Variants in SMARCA2 observed in about 807,000 individuals in gnomAD.
SMARCA2 encodes SWI/SNF-related matrix-associated actin-dependent regulator of chromatin subfamily A member 2.
In SMARCA2, 61 loss-of-function variants were observed where a neutral mutation model predicts 199.8. That is an observed-to-expected ratio of 0.31 (90% CI 0.25 to 0.38). The LOEUF is 0.38. Ranked by LOEUF, SMARCA2 falls within the 10% of genes least tolerant of loss-of-function variation. The pLI is 1.00. For synonymous variants in SMARCA2, 935 were observed against 732.0 expected, an observed-to-expected ratio of 1.28 and a Z score of -4.48; for missense variants, 1,344 against 2,012.2, an observed-to-expected ratio of 0.67 and a Z score of 6.35.
rs112097618 is a variant in SMARCA2, at chr9:2,073,164, G to C, written c.1747-48G>C. The stretch of plus-strand genomic sequence containing the variant: ...TGAGAAACGTCCAGTACAGGACTGG[G>C]GGAAGGTCTTAACATGAAACCGTGA... On this transcript the variant is annotated intron_variant, in intron 10 of 33. Transcript: ENST00000349721. 1.2e-4 allele frequency: 199 copies of C among 1,610,314 alleles called. 1 individual carries two copies. In the African/African-American group the frequency reaches 2.4e-3, roughly 19 times the overall value.
In SMARCA2 at chr9:2,075,648, T is replaced by G. The variant is rs181286213; in HGVS notation, c.1936-581T>G. 2.2e-4 allele frequency among the ~76,000 whole-genome samples: 34 copies of G among 152,252 alleles called. No homozygotes were observed. In the South Asian group the frequency reaches 4.1e-3, roughly 19 times the overall value. On this transcript the variant is annotated intron_variant, in intron 12 of 33. Transcript: ENST00000349721. ...GGGCATTATCAGAGAGAGTAGATTT[T>G]TTTTGTTTTGTTTTGTGTTTTGTTT...
chr9:2,048,817 C>A (rs983094318), intron 5 of SMARCA2, among the ~76,000 whole-genome samples: 3 of 152,180 alleles, frequency 2.0e-5, no homozygotes, highest in African/African-American at 7.2e-5. Flanking sequence ...TAGGCAGATT[C>A]TGCTGGGTGA....
chr9:2,146,622 T>C (rs751819834), intron 27 of SMARCA2, among the ~76,000 whole-genome samples: 1 of 152,122 alleles, frequency 6.6e-6, no homozygotes, highest in Admixed American at 6.5e-5. Flanking sequence ...ATTAGGAAAG[T>C]AAAGGGATAA....
chr9:2,177,401 C>A (rs1826683588), intron 29 of SMARCA2, among the ~76,000 whole-genome samples: 1 of 152,098 alleles, frequency 6.6e-6, no homozygotes, highest in Non-Finnish European at 1.5e-5. Context: ...GTTAAGATTT[C>A]TTTCTCAGCA....
At chr9:2,098,066 G>C (rs1435307054) in intron 21 of SMARCA2, among the ~76,000 whole-genome samples, 2 of 152,222 alleles carry the variant, frequency 1.3e-5, no homozygotes. Flanking sequence ...CACTCCATGT[G>C]AATAAGTTTC....
chr9:2,084,993 G>A (rs907638140), intron 17 of SMARCA2, among the ~76,000 whole-genome samples: 1 of 152,042 alleles, frequency 6.6e-6, no homozygotes, highest in Non-Finnish European at 1.5e-5. Context: ...CGTTTTGAAA[G>A]CACTATAATC....
rs1206418278 is a variant in SMARCA2, at chr9:2,084,647, C to T, written c.2526+451C>T. Reference sequence around the variant, plus strand: ...TGAGCCAGACACCTCTCCATATGGTCTCCACCATATGAACATTTATCCAAG... The same window carrying T: ...TGAGCCAGACACCTCTCCATATGGTTTCCACCATATGAACATTTATCCAAG... On this transcript the variant is annotated intron_variant, in intron 17 of 33. Coordinates refer to ENST00000349721, the MANE Select transcript of SMARCA2 (RefSeq NM_003070.5). Among the ~76,000 whole-genome samples, 8 of 152,244 alleles carry T rather than the reference C, an allele frequency of 5.3e-5. No homozygotes were observed. In the South Asian group the frequency reaches 1.0e-3, roughly 20 times the overall value.
intron 7 of SMARCA2, 140 bp from the exon 8 acceptor site, chr9:2,058,151 G>C (rs1191468672): frequency 1.4e-6 from 1 of 719,000 alleles, no homozygotes; most frequent in African/African-American, 1.8e-5. Context: ...GAGACACCAG[G>C]GCACCTATCC....
intron 29 of SMARCA2, among the ~76,000 whole-genome samples, chr9:2,179,052 G>A (rs1315664276): frequency 1.3e-5 from 2 of 152,210 alleles, no homozygotes; most frequent in African/African-American, 4.8e-5. Flanking sequence ...TCTTGGTCCT[G>A]GAGGGATAAG....
intron 29 of SMARCA2, chr9:2,181,202 A>T (rs1192182554): frequency 8.4e-6 from 1 of 118,576 alleles, no homozygotes; most frequent in Non-Finnish European, 2.0e-5. Context: ...ATATATATGT[A>T]CGTGTATATA....
chr9:2,147,120 G>A (rs1305684306), intron 27 of SMARCA2, among the ~76,000 whole-genome samples: 1 of 151,992 alleles, frequency 6.6e-6, no homozygotes, highest in African/African-American at 2.4e-5. Flanking sequence ...ACTGAGTAGT[G>A]CAGTAGCTCA....
At chr9:2,138,065 A>G (rs1295280813) in intron 27 of SMARCA2, among the ~76,000 whole-genome samples, 1 of 152,224 alleles carries the variant, frequency 6.6e-6, no homozygotes, top group Non-Finnish European at 1.5e-5. Context: ...TTAAATATGC[A>G]TTAAAAAGTA....
intron 26 of SMARCA2, among the ~76,000 whole-genome samples, chr9:2,121,632 A>G (rs975740865): frequency 1.3e-5 from 2 of 152,372 alleles, no homozygotes; most frequent in African/African-American, 2.4e-5. Context: ...TGAGTTCTCT[A>G]TAAAATTAAT....
intron 28 of SMARCA2, among the ~76,000 whole-genome samples, chr9:2,165,858 G>A (rs1028638208): frequency 2.0e-5 from 3 of 152,140 alleles, no homozygotes; most frequent in Non-Finnish European, 4.4e-5. Context: ...CATTATTAAC[G>A]TTGGAAGGGA....
At chr9:2,097,546 AG>A (rs1292000797) in intron 21 of SMARCA2, 75 bp downstream of exon 21, 15 of 928,540 alleles carry the variant, frequency 1.6e-5, no homozygotes, top group Non-Finnish European at 2.3e-5. Flanking sequence ...ACAAACAAAC[AG>A]GAAAAAAAAA....
At chr9:2,183,097 C>G (rs989158706) in intron 31 of SMARCA2, among the ~76,000 whole-genome samples, 1 of 152,150 alleles carries the variant, frequency 6.6e-6, no homozygotes, top group Non-Finnish European at 1.5e-5. Context: ...GGCCTCAAAG[C>G]TTATATTCTA....
At chr9:2,040,354 G>C in intron 4 of SMARCA2, 1 of 209,404 alleles carries the variant, frequency 4.8e-6, no homozygotes, top group South Asian at 1.8e-4. Context: ...CTTACAAGAA[G>C]CATGCCTGTT....
At chr9:2,064,181 G>C (rs1219806337) in intron 9 of SMARCA2, among the ~76,000 whole-genome samples, 1 of 152,250 alleles carries the variant, frequency 6.6e-6, no homozygotes, top group Admixed American at 6.5e-5. Context: ...GATTGAACAT[G>C]GCTGAATTAG....
intron 19 of SMARCA2, 39 bp downstream of exon 19, chr9:2,088,652 C>A: frequency 1.4e-6 from 2 of 1,406,498 alleles, no homozygotes; most frequent in Non-Finnish European, 9.8e-7. Flanking sequence ...TTTTTTTTTC[C>A]TCCAGCAAAT....
Sources: gnomAD v4.1 joint callset for allele counts (sites outside exome capture counted in the v4.1 genomes callset) on GRCh38, gnomAD v4.1.1 for gene constraint, MANE v1.5 for transcripts, NCBI Gene and HGNC (gene_info 2026-07-23, HGNC 2026-07-21) for gene names.